The following PCBP3 variants were observed in gnomAD, a reference collection of about 807,000 sequenced individuals.
PCBP3 encodes the protein poly(rC) binding protein 3.
A neutral mutation model predicts 52.7 loss-of-function variants in PCBP3; 25 were observed. The ratio of observed to expected loss-of-function variants is 0.47; its 90% CI spans 0.35 to 0.66. PCBP3 has a LOEUF of 0.66. Ranked by LOEUF, PCBP3 falls within the 30% of genes least tolerant of loss-of-function variation. The probability of loss-of-function intolerance (pLI) is 0.01; values close to 1 mark genes in which losing one functional copy is unlikely to be tolerated. For missense variants in PCBP3, 391 were observed against 490.3 expected, an observed-to-expected ratio of 0.80 and a Z score of 1.91; for synonymous variants, 162 against 183.0, an observed-to-expected ratio of 0.89 and a Z score of 0.93.
intron 9 of PCBP3, among the ~76,000 whole-genome samples, chr21:45,902,253 A>G (rs7284057): frequency 0.33 from 48,670 of 147,442 alleles, 8,826 homozygotes; most frequent in East Asian, 0.68. Flanking sequence ...AAGGCTGGAC[A>G]CTGCAGACAC....
chr21:45,702,665 T>A (rs2083204626), intron 2 of PCBP3, among the ~76,000 whole-genome samples: 1 of 152,234 alleles, frequency 6.6e-6, no homozygotes, highest in African/African-American at 2.4e-5. Context: ...CTTACCTGGA[T>A]GTTAATGGCC....
intron 2 of PCBP3, among the ~76,000 whole-genome samples, chr21:45,670,737 C>T (rs1220214366): frequency 6.6e-6 from 1 of 152,166 alleles, no homozygotes; most frequent in African/African-American, 2.4e-5. Context: ...TACTCTGTAT[C>T]TCTTCCCCCC....
intron 4 of PCBP3, among the ~76,000 whole-genome samples, chr21:45,801,115 G>A (rs148372872): frequency 8.3e-4 from 126 of 152,310 alleles, no homozygotes; most frequent in African/African-American, 2.6e-3. Context: ...CCGTCCTGTC[G>A]TGCCACCTGC....
intron 5 of PCBP3, among the ~76,000 whole-genome samples, chr21:45,877,580 A>C (rs1373969161): frequency 6.6e-6 from 1 of 152,188 alleles, no homozygotes. Flanking sequence ...GAAGCAGCCA[A>C]ATCACCTGAG....
intron 6 of PCBP3, among the ~76,000 whole-genome samples, chr21:45,898,332 A>C (rs2095889275): frequency 3.1e-5 from 2 of 64,570 alleles, no homozygotes; most frequent in Admixed American, 1.6e-4. Context: ...CACCGTCCTC[A>C]CAGCCTCCCT....
intron 5 of PCBP3, among the ~76,000 whole-genome samples, chr21:45,850,729 C>T (rs1057128553): frequency 1.3e-5 from 2 of 152,192 alleles, no homozygotes; most frequent in African/African-American, 4.8e-5. Flanking sequence ...TTGAACTCTA[C>T]ATGTTACTTT....
At position 45,741,394 on chromosome 21, in the gene PCBP3, G is replaced by T. The variant is rs2086441787; in HGVS notation, c.-162+5965G>T. On this transcript the variant is annotated intron_variant, in intron 3 of 17. Transcript: ENST00000681687. The surrounding 1 kb of genome is among the most constrained non-coding windows in gnomAD (Gnocchi z 4.5). ...GTGCACAGCCAGCGAGGGGAGTCCTGGAAAGTGGGGAGGAGGGCGAGGTAG... is the reference window on the plus strand; with the variant it reads ...GTGCACAGCCAGCGAGGGGAGTCCTTGAAAGTGGGGAGGAGGGCGAGGTAG... Among the ~76,000 whole-genome samples, 1 of 152,168 alleles carries T rather than the reference G, an allele frequency of 6.6e-6. No homozygotes were observed. The highest frequency in any genetic ancestry group is 1.5e-5 in the Non-Finnish European group (1 of 68,018).
At chr21:45,790,878 G>A (rs936397321) in intron 4 of PCBP3, among the ~76,000 whole-genome samples, 1 of 152,176 alleles carries the variant, frequency 6.6e-6, no homozygotes, top group Non-Finnish European at 1.5e-5. Flanking sequence ...GGGGCAGCAA[G>A]GTGGAGTTTT....
At chr21:45,844,604 G>A (rs1370977898) in intron 4 of PCBP3, among the ~76,000 whole-genome samples, 1 of 152,104 alleles carries the variant, frequency 6.6e-6, no homozygotes, top group Non-Finnish European at 1.5e-5. Context: ...TGCCAATGGT[G>A]CTCCCCGCGG....
At chr21:45,740,163 GC>G (rs2086316981) in intron 3 of PCBP3, among the ~76,000 whole-genome samples, 2 of 152,172 alleles carry the variant, frequency 1.3e-5, no homozygotes, top group Non-Finnish European at 2.9e-5. Context: ...GACCCAAGGG[GC>G]TAAGTCGCGT....
At chr21:45,894,806 A>G (rs1179200174) in intron 5 of PCBP3, among the ~76,000 whole-genome samples, 2 of 152,242 alleles carry the variant, frequency 1.3e-5, no homozygotes, top group African/African-American at 4.8e-5. Context: ...TGCAAGGGTG[A>G]TCTTCGGAGC....
intron 4 of PCBP3, among the ~76,000 whole-genome samples, chr21:45,785,735 G>A (rs977992002): frequency 5.3e-5 from 8 of 152,092 alleles, no homozygotes; most frequent in African/African-American, 1.2e-4. Context: ...GATGGTTGCC[G>A]TGTCTGTGTA....
At chr21:45,932,079 G>T (rs1162243935) in intron 15 of PCBP3, among the ~76,000 whole-genome samples, 2 of 151,790 alleles carry the variant, frequency 1.3e-5, no homozygotes, top group African/African-American at 4.8e-5. Flanking sequence ...GAACACCTGG[G>T]CCATGCCATC....
At chr21:45,783,797 C>G (rs2090831748) in intron 4 of PCBP3, among the ~76,000 whole-genome samples, 1 of 152,140 alleles carries the variant, frequency 6.6e-6, no homozygotes, top group South Asian at 2.1e-4. Flanking sequence ...GCTGGATAAC[C>G]TACTCACGCC....
intron 5 of PCBP3, among the ~76,000 whole-genome samples, chr21:45,893,138 A>G (rs1186342691): frequency 6.6e-6 from 1 of 152,050 alleles, no homozygotes; most frequent in African/African-American, 2.4e-5. Flanking sequence ...TTTTACCCTC[A>G]GGGCCTATGG....
At position 45,837,680 on chromosome 21, in the gene PCBP3, C is replaced by T. The variant is rs1483128124; in HGVS notation, c.-125-12281C>T. Among the ~76,000 whole-genome samples, 2 of 152,120 alleles carry T rather than the reference C, an allele frequency of 1.3e-5. No homozygotes were observed. The highest frequency in any genetic ancestry group is 2.4e-5 in the African/African-American group (1 of 41,410). The stretch of plus-strand genomic sequence containing the variant: ...TATTTGCCCTGGTAGGTCTGAGGTG[C>T]GATTCCACTCAGATTTATTTTTCCT... On this transcript the variant is annotated intron_variant, in intron 4 of 17. Transcript: ENST00000681687. The surrounding 1 kb of genome is among the most constrained non-coding windows in gnomAD (Gnocchi z 4.1).
chr21:45,794,670 C>T (rs1470119573), intron 4 of PCBP3, among the ~76,000 whole-genome samples: 1 of 152,202 alleles, frequency 6.6e-6, no homozygotes, highest in African/African-American at 2.4e-5. Context: ...TGGCTCACGC[C>T]TGTAATCCCA....
chr21:45,793,217 C>T (rs990082901), intron 4 of PCBP3, among the ~76,000 whole-genome samples: 2 of 152,248 alleles, frequency 1.3e-5, no homozygotes, highest in Admixed American at 6.5e-5. Flanking sequence ...GAAGAGTAGA[C>T]GGTCAAAGTG....
chr21:45,908,575 G>C lies in PCBP3; in HGVS notation c.340-780G>C, dbSNP rs573406917. On this transcript the variant is annotated intron_variant, in intron 9 of 17. Coordinates refer to ENST00000681687, the MANE Select transcript of PCBP3 (RefSeq NM_001384156.1). The stretch of plus-strand genomic sequence containing the variant: ...ATCCAGAGCTGGGGGTGTCCTGGGG[G>C]TGCTGCCCTGTCACTGCCTCTGCCG... Among the ~76,000 whole-genome samples, 700 of 152,280 alleles carry C rather than the reference G, an allele frequency of 4.6e-3. 5 individuals carry two copies. The highest frequency in any genetic ancestry group is 8.3e-3 in the Non-Finnish European group (563 of 68,014).
Sources: gnomAD v4.1 joint callset for allele counts (sites outside exome capture counted in the v4.1 genomes callset) on GRCh38, gnomAD v4.1.1 for gene constraint, Gnocchi (gnomAD v3.1) non-coding constraint, MANE v1.5 for transcripts, NCBI Gene and HGNC (gene_info 2026-07-23, HGNC 2026-07-21) for gene names.